Variants in ABHD12 observed in about 807,000 individuals in gnomAD.
ABHD12 encodes abhydrolase domain containing 12, lysophospholipase, also known as lysophosphatidylserine lipase ABHD12.
In ABHD12, 43 loss-of-function variants were observed where a neutral mutation model predicts 58.3. The observed-to-expected ratio is 0.74, with a 90% CI of 0.58 to 0.95. ABHD12 has a LOEUF of 0.95. ABHD12 is among the 40% of genes least tolerant of loss of function. The pLI, the probability that ABHD12 is intolerant of heterozygous loss-of-function variation, is 0.00. For missense variants in ABHD12, 539 were observed against 537.2 expected (o/e 1.00, Z -0.03); for synonymous variants, 219 against 211.2 (o/e 1.04, Z -0.32).
At chr20:25,383,144 G>A (rs1041286366) in intron 1 of ABHD12, among the ~76,000 whole-genome samples, 2 of 152,128 alleles carry the variant, frequency 1.3e-5, no homozygotes, top group African/African-American at 4.8e-5. Context: ...ACACTTAGAG[G>A]GTGAGGTTGA....
At position 25,390,476 on chromosome 20, in the gene ABHD12, G is replaced by GCCCCCCC. The variant is rs773039836; in HGVS notation, c.191+36_191+37insGGGGGGG. 570 of 1,034,178 alleles carry GCCCCCCC rather than the reference G, an allele frequency of 5.5e-4. 11 individuals are homozygous for GCCCCCCC. Among genetic ancestry groups the GCCCCCCC allele is most frequent in the South Asian group, 2.3e-3 (119 of 52,820 alleles). 64.1% of individuals were successfully genotyped at this position (1,034,178 alleles called of 1,614,324 possible). A position where few individuals can be genotyped will look rare whatever the true frequency, so the allele number is the denominator to read the frequency against. On this transcript the variant is annotated intron_variant, in intron 1 of 12. Coordinates refer to ENST00000339157, the MANE Select transcript of ABHD12 (RefSeq NM_001042472.3). ...ACGCACCTGCGCAAAGTGAGGGACCGGCCCCCCCCCCCCCCCCGCTCCGCG... is the reference window on the plus strand; with the variant it reads ...ACGCACCTGCGCAAAGTGAGGGACCGCCCCCCCGCCCCCCCCCCCCCCCCGCTCCGCG...
intron 1 of ABHD12, among the ~76,000 whole-genome samples, chr20:25,389,694 A>T (rs560842088): frequency 1.3e-5 from 2 of 151,612 alleles, no homozygotes; most frequent in Non-Finnish European, 2.9e-5. Context: ...CCCAAAGGTT[A>T]TTGAACGCCA....
chr20:25,375,472 AC>A (rs2089951070), intron 1 of ABHD12, among the ~76,000 whole-genome samples: 1 of 152,008 alleles, frequency 6.6e-6, no homozygotes. Flanking sequence ...CCCTCTGCAG[AC>A]CCCAGGGTCT....
At chr20:25,381,426 T>C (rs1269247352) in intron 1 of ABHD12, among the ~76,000 whole-genome samples, 1 of 152,192 alleles carries the variant, frequency 6.6e-6, no homozygotes, top group Admixed American at 6.5e-5. Flanking sequence ...CTCAAACTGT[T>C]AAATGAGTGG....
intron 11 of ABHD12, among the ~76,000 whole-genome samples, chr20:25,302,994 T>C (rs1359933515): frequency 6.6e-6 from 1 of 152,094 alleles, no homozygotes; most frequent in Admixed American, 6.5e-5. Context: ...ACAAATCCAA[T>C]CCAACTTGCT....
intron 2 of ABHD12, among the ~76,000 whole-genome samples, chr20:25,326,381 C>T (rs1490751467): frequency 1.3e-5 from 2 of 152,174 alleles, no homozygotes; most frequent in African/African-American, 2.4e-5. Flanking sequence ...TCTATACAGT[C>T]CCCATACAGG....
chr20:25,325,203 C>T (rs1238270023), intron 2 of ABHD12, among the ~76,000 whole-genome samples: 2 of 76,460 alleles, frequency 2.6e-5, no homozygotes, highest in Non-Finnish European at 4.9e-5. Flanking sequence ...GACCCTGTTT[C>T]AAAAAAAAAA....
intron 3 of ABHD12, among the ~76,000 whole-genome samples, chr20:25,322,381 A>ATATATATATATATATATATTTTTTTTT: frequency 7.8e-4 from 46 of 59,228 alleles, no homozygotes; most frequent in African/African-American, 1.5e-3. Flanking sequence ...ATATATATAT[A>ATATATATATATATATATATTTTTTTTT]TTTTTTTTTT....
At chr20:25,368,562 G>T (rs1378803606) in intron 1 of ABHD12, 2 of 1,403,256 alleles carry the variant, frequency 1.4e-6, no homozygotes, top group Non-Finnish European at 2.0e-6. Context: ...GTGCCATTAT[G>T]GGTGTGAAGT....
At chr20:25,299,391 CTG>C (rs567166353), downstream of ABHD12, among the ~76,000 whole-genome samples, 40 of 151,982 alleles carry the variant, frequency 2.6e-4, no homozygotes, top group Admixed American at 5.2e-4. Context: ...CAGAGTGAGA[CTG>C]TCTCAAAAAA....
intron 4 of ABHD12, 30 bp downstream of exon 4, chr20:25,320,169 C>T (rs765799209): frequency 3.7e-6 from 6 of 1,612,756 alleles, no homozygotes; most frequent in Admixed American, 3.3e-5. Context: ...CCATGCTCCA[C>T]AGCAAAGATG....
intron 2 of ABHD12, among the ~76,000 whole-genome samples, chr20:25,326,782 C>T (rs1383551762): frequency 6.6e-6 from 1 of 151,790 alleles, no homozygotes; most frequent in Non-Finnish European, 1.5e-5. Context: ...CTGTTGTTAG[C>T]TGTTCTTGTA....
intron 1 of ABHD12, chr20:25,368,847 A>C (rs777268298): frequency 5.7e-5 from 28 of 488,728 alleles, no homozygotes; most frequent in Non-Finnish European, 1.0e-4. Flanking sequence ...CCATCCTCAG[A>C]CAGGCGCAGT....
rs2088621085 is a variant in ABHD12, at chr20:25,300,782, C to G, written c.*63G>C. 1.9e-6 allele frequency: 3 copies of G among 1,613,250 alleles called. No homozygotes were observed. The highest frequency in any genetic ancestry group is 1.7e-6 in the Non-Finnish European group (2 of 1,179,676). On this transcript the variant is annotated 3_prime_UTR_variant, in exon 13 of 13. Coordinates refer to ENST00000339157, the MANE Select transcript of ABHD12 (RefSeq NM_001042472.3). ...CCCCCCGGGGCTTCAGGATACCGGGCTGCTGACTGGAGGAAAACGGGAGGA... is the reference window on the plus strand; with the variant it reads ...CCCCCCGGGGCTTCAGGATACCGGGGTGCTGACTGGAGGAAAACGGGAGGA...
At chr20:25,339,516 A>ATT in intron 1 of ABHD12, 165 bp from the exon 2 acceptor site, 1 of 1,393,558 alleles carries the variant, frequency 7.2e-7, no homozygotes, top group Non-Finnish European at 9.9e-7. Context: ...TCACTCAAGT[A>ATT]ATTATTTTAC....
intron 1 of ABHD12, chr20:25,339,614 A>C (rs1421706392): frequency 6.9e-7 from 1 of 1,447,320 alleles, no homozygotes; most frequent in African/African-American, 1.4e-5. Flanking sequence ...ATGATTTCTT[A>C]CACTCACCCT....
At chr20:25,387,769 G>A (rs2090112323) in intron 1 of ABHD12, among the ~76,000 whole-genome samples, 1 of 151,514 alleles carries the variant, frequency 6.6e-6, no homozygotes, top group South Asian at 2.1e-4. Flanking sequence ...CAGGCCGGGC[G>A]CTGTGGCTCA....
chr20:25,339,689 TG>T, intron 1 of ABHD12: 1 of 1,377,798 alleles, frequency 7.3e-7, no homozygotes, highest in South Asian at 1.1e-5. Flanking sequence ...AGACCCCAGC[TG>T]TAACCTCGTA....
chr20:25,385,804 T>C (rs1242612504), intron 1 of ABHD12, among the ~76,000 whole-genome samples: 1 of 152,020 alleles, frequency 6.6e-6, no homozygotes, highest in Non-Finnish European at 1.5e-5. Context: ...TGGCTAAAAG[T>C]TTAGAATAAA....
Sources: allele counts gnomAD v4.1 joint callset (sites outside exome capture counted in the v4.1 genomes callset), GRCh38; gene constraint gnomAD v4.1.1; transcripts MANE v1.5; gene names NCBI Gene and HGNC (gene_info 2026-07-23, HGNC 2026-07-21).